Variants in GABBR1 observed in about 807,000 individuals in gnomAD.
GABBR1 encodes gamma-aminobutyric acid type B receptor subunit 1, also known as GABA-B receptor, R1 subunit.
Under a neutral mutation model 117.7 loss-of-function variants are expected in GABBR1, and 35 were observed. That is an observed-to-expected ratio of 0.30 (90% CI 0.23 to 0.39). The LOEUF (loss-of-function observed/expected upper bound fraction) is 0.39, where lower values mean the gene tolerates loss of function less well. Ranked by LOEUF, GABBR1 falls within the 10% of genes least tolerant of loss-of-function variation. GABBR1 has a pLI of 1.00. For synonymous variants in GABBR1, 442 were observed against 486.6 expected (o/e 0.91, Z 1.21); for missense variants, 709 against 1,241.8 (o/e 0.57, Z 6.45).
chr6:29,606,405 A>G lies in GABBR1; in HGVS notation c.2297T>C (p.Met766Thr). The G allele has an allele frequency of 3.1e-6, 5 of 1,612,092 alleles. No homozygotes were observed. The highest frequency in any genetic ancestry group is 4.2e-6 in the Non-Finnish European group (5 of 1,179,092). ...PQLEHCSSRK[M>T]NTWLGIFYGY... ...ATCCCACACACCAAGCCATGTATTC[A>G]TCTTCCTGGAGCTGCAATGCTCCAG... The change falls in exon 19 of 23, where the codon ATG becomes ACG. Residue 766 changes from methionine (M) to threonine (T), a missense_variant. Physicochemically the swap from Met to Thr is moderately conservative, Grantham distance 81. Transcript: ENST00000377034. The surrounding 1 kb of genome is among the most constrained non-coding windows in gnomAD (Gnocchi z 4.5).
Position 29,622,436 on chromosome 6 carries a change from T to C in GABBR1, c.964-231A>G, listed in dbSNP as rs763916472. On this transcript the variant is annotated intron_variant, in intron 8 of 22. Coordinates refer to ENST00000377034, the MANE Select transcript of GABBR1 (RefSeq NM_001470.4). The surrounding 1 kb of genome is among the most constrained non-coding windows in gnomAD (Gnocchi z 4.6). The stretch of plus-strand genomic sequence containing the variant: ...GAATGGTGAGCCCCTGCTGAGGCTC[T>C]GTGTGGGGGAAGCCACTCCATTCAC... The C allele has an allele frequency of 2.2e-4, 123 of 550,650 alleles. No individual in the cohort carries two copies. Among genetic ancestry groups the C allele is most frequent in the Non-Finnish European group, 3.7e-4 (115 of 308,414 alleles). 34.1% of individuals were successfully genotyped at this position (550,650 alleles called of 1,614,324 possible). A position where few individuals can be genotyped will look rare whatever the true frequency, so the allele number is the denominator to read the frequency against.
intron 12 of GABBR1, 140 bp from the exon 13 acceptor site, chr6:29,612,754 TAGGACATACCCCAG>T: frequency 1.3e-6 from 1 of 756,776 alleles, no homozygotes; most frequent in Non-Finnish European, 2.3e-6. Flanking sequence ...TGCCTGCATA[TAGGACATACCCCAG>T]ATGCCCATAC....
In GABBR1 at chr6:29,627,051, T is replaced by A. The variant is rs755193175; in HGVS notation, c.657+435A>T. On this transcript the variant is annotated intron_variant, in intron 6 of 22. Coordinates refer to ENST00000377034, the MANE Select transcript of GABBR1 (RefSeq NM_001470.4). This position sits in a 1 kb window ranked among gnomAD's most constrained non-coding sequence, Gnocchi z 4.4. ...GTCCCTATTCCTTCCAGCTCCAACC[T>A]ACGCCAAGATTTTACCTTGTTACCA... is the stretch of plus-strand genomic sequence containing the variant. 3.0e-4 allele frequency among the ~76,000 whole-genome samples: 45 copies of A among 152,090 alleles called. No individual in the cohort carries two copies. Among genetic ancestry groups the A allele is most frequent in the Admixed American group, 1.2e-3 (19 of 15,272 alleles).
Position 29,613,273 on chromosome 6 carries a change from T to G in GABBR1, c.1536A>C (p.Ala512=). Residue 512 remains alanine, a synonymous_variant, in exon 12 of 23, where the codon GCA becomes GCC. Transcript: ENST00000377034. This position sits in a 1 kb window ranked among gnomAD's most constrained non-coding sequence, Gnocchi z 4.1. ...NQTITDQIYR[A]MNSSSFEGVS... The stretch of plus-strand genomic sequence containing the variant: ...CACCCTCAAAGGACGAAGAGTTCAT[T>G]GCCCGGTAGATTTGGTCGGTAATGG... 6.2e-7 allele frequency: 1 copy of G among 1,612,978 alleles called. No homozygotes were observed. The highest frequency in any genetic ancestry group is 1.1e-5 in the South Asian group (1 of 91,082).
intron 12 of GABBR1, 117 bp from the exon 13 acceptor site, chr6:29,612,731 T>C: frequency 1.1e-6 from 1 of 898,798 alleles, no homozygotes; most frequent in Non-Finnish European, 1.9e-6. Context: ...GAATGAATGC[T>C]ATTTATGGCA....
Position 29,631,724 on chromosome 6 carries a change from G to A in GABBR1, c.86-125C>T. 1 of 774,796 alleles carries A rather than the reference G, an allele frequency of 1.3e-6. No homozygotes were observed. The highest frequency in any genetic ancestry group is 2.2e-6 in the Non-Finnish European group (1 of 459,632). 48.0% of individuals were successfully genotyped at this position (774,796 alleles called of 1,614,324 possible). On this transcript the variant is annotated intron_variant, in intron 2 of 22. Transcript: ENST00000377034. The surrounding 1 kb of genome is among the most constrained non-coding windows in gnomAD (Gnocchi z 5.9). The stretch of plus-strand genomic sequence containing the variant: ...GGGCAGGCTGGGGACAGAGGAAGAG[G>A]GATGGGGCACTAGAGGGTGGGAGTG...
At chr6:29,628,098 G>T (rs1463408864) in intron 5 of GABBR1, 6 of 442,650 alleles carry the variant, frequency 1.4e-5, no homozygotes, top group Non-Finnish European at 1.8e-5. Context: ...CGCGGCAGCG[G>T]GGGGTGGGGG....
Position 29,630,680 on chromosome 6 carries a change from T to G in GABBR1, c.290-37A>C, listed in dbSNP as rs1484754590. 23 of 1,567,674 alleles carry G rather than the reference T, an allele frequency of 1.5e-5. No individual in the cohort carries two copies. Among genetic ancestry groups the G allele is most frequent in the Non-Finnish European group, 2.0e-5 (23 of 1,143,342 alleles). Reference sequence around the variant, plus strand: ...TAGGAAAATAAGAAGAGAGGCGAGTTGAAGAAGGCTCTTTCCCTTTAAAGA... The same window carrying G: ...TAGGAAAATAAGAAGAGAGGCGAGTGGAAGAAGGCTCTTTCCCTTTAAAGA... On this transcript the variant is annotated intron_variant, in intron 3 of 22. Coordinates refer to ENST00000377034, the MANE Select transcript of GABBR1 (RefSeq NM_001470.4). This position sits in a 1 kb window ranked among gnomAD's most constrained non-coding sequence, Gnocchi z 4.9.
Position 29,606,163 on chromosome 6 carries a change from T to C in GABBR1, c.2311+228A>G, listed in dbSNP as rs1761934481. On this transcript the variant is annotated intron_variant, in intron 19 of 22. Coordinates refer to ENST00000377034, the MANE Select transcript of GABBR1 (RefSeq NM_001470.4). The surrounding 1 kb of genome is among the most constrained non-coding windows in gnomAD (Gnocchi z 4.5). ...TTGTTCCTCTGCTGAACACAAGTTC[T>C]TCATCTGTGCTTTCTGTGCTTTGGG... 6 of 572,420 alleles carry C rather than the reference T, an allele frequency of 1.0e-5. No individual in the cohort carries two copies. In the East Asian group the frequency reaches 1.7e-4, roughly 16 times the overall value. 35.5% of individuals were successfully genotyped at this position (572,420 alleles called of 1,614,324 possible).
In GABBR1 at chr6:29,609,468, G is replaced by C. The variant is rs1309419728; in HGVS notation, c.1709-89C>G. 1 of 1,113,800 alleles carries C rather than the reference G, an allele frequency of 9.0e-7. No individual in the cohort carries two copies. Among genetic ancestry groups the C allele is most frequent in the Non-Finnish European group, 1.3e-6 (1 of 757,178 alleles). The allele number at this position is 1,113,800 out of a possible 1,614,324, so 69.0% of individuals were successfully genotyped here. A position where few individuals can be genotyped will look rare whatever the true frequency, so the allele number is the denominator to read the frequency against. On this transcript the variant is annotated intron_variant, in intron 14 of 22. Transcript: ENST00000377034. This position sits in a 1 kb window ranked among gnomAD's most constrained non-coding sequence, Gnocchi z 4.3. ...AGACGGGATAGGAGAAAAGGGCAAAGAACTAGATTGCTGATGGACATTCAG... is the reference window on the plus strand; with the variant it reads ...AGACGGGATAGGAGAAAAGGGCAAACAACTAGATTGCTGATGGACATTCAG...
At position 29,611,014 on chromosome 6, in the gene GABBR1, C is replaced by T. The variant is rs1762485869; in HGVS notation, c.1631-13G>A. 1 of 1,609,644 alleles carries T rather than the reference C, an allele frequency of 6.2e-7. No individual in the cohort carries two copies. ...TTGTAGCTGCCACCTGGGCAGACGA[C>T]AATAAAAGGAGTGACCACAGGTAGC... On this transcript the variant is annotated splice_polypyrimidine_tract_variant and intron_variant, in intron 13 of 22. Transcript: ENST00000377034. The surrounding 1 kb of genome is among the most constrained non-coding windows in gnomAD (Gnocchi z 4.6).
intron 11 of GABBR1, among the ~76,000 whole-genome samples, chr6:29,615,155 T>G (rs2127414791): frequency 6.6e-6 from 1 of 151,780 alleles, no homozygotes; most frequent in Admixed American, 6.6e-5. Context: ...CATGGTGGTG[T>G]GCACTTGCAG....
intron 11 of GABBR1, among the ~76,000 whole-genome samples, chr6:29,619,778 TC>T (rs1375783168): frequency 6.6e-6 from 1 of 152,210 alleles, no homozygotes; most frequent in Non-Finnish European, 1.5e-5. Flanking sequence ...TCCAATACTT[TC>T]CCAGGTTTTA....
chr6:29,631,556 G>C lies in GABBR1; in HGVS notation c.129C>G (p.Tyr43Ter). Residue 43 changes from tyrosine (Y) to a stop codon, truncating the protein, a stop_gained, in exon 3 of 23, where the codon TAC becomes TAG. Coordinates refer to ENST00000377034, the MANE Select transcript of GABBR1 (RefSeq NM_001470.4). LOFTEE classifies it high-confidence loss of function. This position sits in a 1 kb window ranked among gnomAD's most constrained non-coding sequence, Gnocchi z 5.9. ...IHPPWEGGIR[Y>*]RGLTRDQVKA... ...TCACCTGGTCCCGAGTCAGGCCCCG[G>C]TACCTGATGCCCCCTTCCCAGGGCG... The C allele has an allele frequency of 6.2e-7, 1 of 1,614,196 alleles. No individual in the cohort carries two copies. Among genetic ancestry groups the C allele is most frequent in the South Asian group, 1.1e-5 (1 of 91,084 alleles).
At position 29,630,666 on chromosome 6, in the gene GABBR1, G is replaced by T; in HGVS notation, c.290-23C>A. 6.3e-7 allele frequency: 1 copy of T among 1,589,318 alleles called. No homozygotes were observed. The highest frequency in any genetic ancestry group is 8.6e-7 in the Non-Finnish European group (1 of 1,160,746). On this transcript the variant is annotated intron_variant, in intron 3 of 22. Transcript: ENST00000377034. The surrounding 1 kb of genome is among the most constrained non-coding windows in gnomAD (Gnocchi z 4.9). ...GGACTGTGGAGAGATAGGAAAATAA[G>T]AAGAGAGGCGAGTTGAAGAAGGCTC... is the stretch of plus-strand genomic sequence containing the variant.
intron 5 of GABBR1, among the ~76,000 whole-genome samples, chr6:29,628,515 T>G (rs1449811193): frequency 2.1e-5 from 3 of 145,994 alleles, no homozygotes; most frequent in South Asian, 2.2e-4. Context: ...TTTGAGGGAG[T>G]GGTGGGGTCG....
rs957632838 is a variant in GABBR1, at chr6:29,631,740, G to A, written c.86-141C>T. On this transcript the variant is annotated intron_variant, in intron 2 of 22. Coordinates refer to ENST00000377034, the MANE Select transcript of GABBR1 (RefSeq NM_001470.4). This position sits in a 1 kb window ranked among gnomAD's most constrained non-coding sequence, Gnocchi z 5.9. ...GAGGAAGAGGGATGGGGCACTAGAG[G>A]GTGGGAGTGGGGACAGGTACAGATC... 2.9e-6 allele frequency: 2 copies of A among 692,418 alleles called. No homozygotes were observed. The highest frequency in any genetic ancestry group is 5.0e-6 in the Non-Finnish European group (2 of 396,854). The allele number at this position is 692,418 out of a possible 1,614,324, so 42.9% of individuals were successfully genotyped here. A position where few individuals can be genotyped will look rare whatever the true frequency, so the allele number is the denominator to read the frequency against.
At chr6:29,616,798 G>A (rs746539832) in intron 11 of GABBR1, among the ~76,000 whole-genome samples, 5 of 147,128 alleles carry the variant, frequency 3.4e-5, no homozygotes, top group African/African-American at 1.0e-4. Flanking sequence ...AGGCTGCAGC[G>A]ATTGTACCAC....
rs201107070 is a variant in GABBR1, at chr6:29,631,350, A to T, written c.289+46T>A. The T allele has an allele frequency of 5.7e-6, 9 of 1,573,756 alleles. No individual in the cohort carries two copies. Among genetic ancestry groups the T allele is most frequent in the Non-Finnish European group, 7.8e-6 (9 of 1,146,858 alleles). On this transcript the variant is annotated intron_variant, in intron 3 of 22. Coordinates refer to ENST00000377034, the MANE Select transcript of GABBR1 (RefSeq NM_001470.4). This position sits in a 1 kb window ranked among gnomAD's most constrained non-coding sequence, Gnocchi z 5.9. ...GCAGTAATGCTAAGTTTGCGGCAGG[A>T]AAAGGAATAGTCTTGAAGAGGGGAG... is the stretch of plus-strand genomic sequence containing the variant.
Sources: allele counts gnomAD v4.1 joint callset (sites outside exome capture counted in the v4.1 genomes callset), GRCh38; gene constraint gnomAD v4.1.1; non-coding constraint Gnocchi (gnomAD v3.1); transcripts MANE v1.5; gene names NCBI Gene and HGNC (gene_info 2026-07-23, HGNC 2026-07-21).